FRMD4A: variants seen among roughly 807,000 people sequenced by gnomAD.
FRMD4A encodes FERM domain containing 4A.
FRMD4A carries 29 observed loss-of-function variants against 129.1 expected under a neutral mutation model. That is an observed-to-expected ratio of 0.22 (90% confidence interval 0.17 to 0.31). The LOEUF (loss-of-function observed/expected upper bound fraction) is 0.31, where lower values mean the gene tolerates loss of function less well. Among genes scored for constraint, FRMD4A ranks in the 10% least tolerant of loss-of-function variants. The probability of loss-of-function intolerance (pLI) is 1.00; values close to 1 mark genes in which losing one functional copy is unlikely to be tolerated. For synonymous variants in FRMD4A, 634 were observed against 571.6 expected (o/e 1.11, Z -1.56); for missense variants, 1,272 against 1,375.8 (o/e 0.92, Z 1.19).
intron 3 of FRMD4A, among the ~76,000 whole-genome samples, chr10:13,837,308 A>G (rs911118462): frequency 3.9e-5 from 6 of 152,206 alleles, no homozygotes; most frequent in Admixed American, 1.3e-4. Flanking sequence ...AGCTGCAAAG[A>G]AACTTCTCCC....
intron 2 of FRMD4A, among the ~76,000 whole-genome samples, chr10:14,224,385 C>T (rs993437111): frequency 6.6e-6 from 1 of 152,200 alleles, no homozygotes; most frequent in Non-Finnish European, 1.5e-5. Flanking sequence ...GTGTCCACCT[C>T]CCCATCAAAG....
chr10:13,656,851 C>A lies in FRMD4A; in HGVS notation c.2738G>T (p.Gly913Val), dbSNP rs1253415518. ...ACGGCCCGCGCCCTTGTCGTGGGCGCCCTCGCGGCCCAGCGACGGAGTCCG... is the reference window on the plus strand; with the variant it reads ...ACGGCCCGCGCCCTTGTCGTGGGCGACCTCGCGGCCCAGCGACGGAGTCCG... ...ILRTPSLGREGAHDKGAGRAA... is the reference protein window; with the variant it reads ...ILRTPSLGREVAHDKGAGRAA... Residue 913 changes from glycine to valine, a missense_variant, in exon 22 of 25, where the codon GGC (glycine) becomes GTC (valine). Physicochemically the swap from Gly to Val is moderately radical, Grantham distance 109 (BLOSUM62 -3). This residue lies in a region of FRMD4A where 972 missense variants were observed against 892.3 expected (regional missense o/e 1.09). Coordinates refer to ENST00000357447, the MANE Select transcript of FRMD4A (RefSeq NM_018027.5). 6.7e-7 allele frequency: 1 copy of A among 1,497,944 alleles called. No homozygotes were observed. The highest frequency in any genetic ancestry group is 2.3e-5 in the Admixed American group (1 of 42,910). The allele number at this position is 1,497,944 out of a possible 1,614,324, so 92.8% of individuals were successfully genotyped here.
At chr10:13,800,157 G>A (rs1398712849) in intron 4 of FRMD4A, among the ~76,000 whole-genome samples, 23 of 152,168 alleles carry the variant, frequency 1.5e-4, no homozygotes, top group Admixed American at 1.5e-3. Context: ...ACTCCAGCCT[G>A]GGTGACAGAG....
intron 2 of FRMD4A, among the ~76,000 whole-genome samples, chr10:14,126,247 T>C (rs1403325221): frequency 6.8e-6 from 1 of 148,144 alleles, no homozygotes; most frequent in Non-Finnish European, 1.5e-5. Context: ...CTTGGCTCAG[T>C]GCAACCTCTG....
chr10:13,960,511 A>G (rs2095439805), intron 2 of FRMD4A, among the ~76,000 whole-genome samples: 1 of 152,202 alleles, frequency 6.6e-6, no homozygotes, highest in African/African-American at 2.4e-5. Flanking sequence ...AGTCTCATTC[A>G]TTCCTGAGGA....
intron 2 of FRMD4A, among the ~76,000 whole-genome samples, chr10:14,179,782 C>A (rs1365001798): frequency 6.6e-6 from 1 of 152,146 alleles, no homozygotes; most frequent in Admixed American, 6.5e-5. Flanking sequence ...GCCTGTAATC[C>A]CAGCGTTTTG....
intron 5 of FRMD4A, among the ~76,000 whole-genome samples, chr10:13,785,041 G>C (rs1588703859): frequency 6.7e-6 from 1 of 148,762 alleles, no homozygotes; most frequent in Non-Finnish European, 1.5e-5. Context: ...GGATAATAAT[G>C]CTACTGTTGC....
intron 2 of FRMD4A, among the ~76,000 whole-genome samples, chr10:14,250,522 T>C (rs1223012887): frequency 1.3e-5 from 2 of 152,212 alleles, no homozygotes; most frequent in Non-Finnish European, 2.9e-5. Flanking sequence ...ATCTGTTTGG[T>C]CTCTCTATTA....
At chr10:14,156,073 T>C (rs772577142) in intron 2 of FRMD4A, among the ~76,000 whole-genome samples, 3 of 152,116 alleles carry the variant, frequency 2.0e-5, no homozygotes, top group Admixed American at 6.5e-5. Context: ...CTCAAGGAGA[T>C]GTATATATAA....
At chr10:13,849,368 C>T (rs2094107894) in intron 3 of FRMD4A, among the ~76,000 whole-genome samples, 1 of 152,202 alleles carries the variant, frequency 6.6e-6, no homozygotes, top group Non-Finnish European at 1.5e-5. Context: ...ACAATGAGCC[C>T]ACCTGCCCAC....
intron 2 of FRMD4A, among the ~76,000 whole-genome samples, chr10:14,281,946 G>C (rs1013667391): frequency 1.3e-5 from 2 of 152,160 alleles, no homozygotes; most frequent in African/African-American, 4.8e-5. Context: ...CAGAGATTGG[G>C]TGATTTATAA....
intron 16 of FRMD4A, 64 bp from the exon 17 acceptor site, chr10:13,670,592 AACACACAC>A: frequency 6.4e-7 from 1 of 1,563,446 alleles, no homozygotes; most frequent in Non-Finnish European, 8.8e-7. Context: ...TGCTTCCTAG[AACACACAC>A]ACACGCACAT....
intron 4 of FRMD4A, among the ~76,000 whole-genome samples, chr10:13,804,295 T>C (rs2093318082): frequency 6.6e-6 from 1 of 152,236 alleles, no homozygotes; most frequent in Admixed American, 6.5e-5. Flanking sequence ...TTGTGGTTGT[T>C]TCTTCTGCCA....
At chr10:14,233,428 GC>G (rs1464826026) in intron 2 of FRMD4A, among the ~76,000 whole-genome samples, 15 of 151,822 alleles carry the variant, frequency 9.9e-5, no homozygotes, top group Non-Finnish European at 2.1e-4. Context: ...AAAAAAATTA[GC>G]CAGGCATGGT....
At chr10:13,694,161 A>T in intron 14 of FRMD4A, 122 bp from the exon 15 acceptor site, 1 of 692,638 alleles carries the variant, frequency 1.4e-6, no homozygotes, top group Non-Finnish European at 2.3e-6. Flanking sequence ...TCCCTGACTA[A>T]TGTGCAGCAT....
At chr10:14,133,792 G>A (rs532161425) in intron 2 of FRMD4A, among the ~76,000 whole-genome samples, 41 of 152,308 alleles carry the variant, frequency 2.7e-4, no homozygotes, top group African/African-American at 9.1e-4. Flanking sequence ...TTATGAGTCT[G>A]TATTCCCTGA....
At chr10:13,987,639 G>A (rs7917296) in intron 2 of FRMD4A, among the ~76,000 whole-genome samples, 48,686 of 151,922 alleles carry the variant, frequency 0.32, 8,755 homozygotes, top group East Asian at 0.72. Flanking sequence ...ATTTTGACTC[G>A]TTATAGAAAT....
intron 2 of FRMD4A, among the ~76,000 whole-genome samples, chr10:13,939,907 G>C (rs2095278049): frequency 6.6e-6 from 1 of 152,166 alleles, no homozygotes; most frequent in Admixed American, 6.5e-5. Flanking sequence ...GCTTTCTAAA[G>C]TGCAAAGGGA....
At chr10:13,835,107 A>G (rs1487049699) in intron 3 of FRMD4A, among the ~76,000 whole-genome samples, 1 of 152,222 alleles carries the variant, frequency 6.6e-6, no homozygotes, top group Non-Finnish European at 1.5e-5. Context: ...AAATGCATTC[A>G]TTCAGCACAG....
Sources: allele counts gnomAD v4.1 joint callset (sites outside exome capture counted in the v4.1 genomes callset), GRCh38; gene constraint gnomAD v4.1.1; regional missense constraint gnomAD v4.1.1; transcripts MANE v1.5; gene names NCBI Gene and HGNC (gene_info 2026-07-23, HGNC 2026-07-21).